Variants in WDR1 observed in about 807,000 individuals in gnomAD.
WDR1 encodes WD repeat-containing protein 1.
In WDR1, 21 loss-of-function variants were observed where a neutral mutation model predicts 71.9. That is an observed-to-expected ratio of 0.29 (90% confidence interval 0.21 to 0.42). WDR1 has a LOEUF of 0.42. Among genes scored for constraint, WDR1 ranks in the 10% least tolerant of loss-of-function variants. The pLI, the probability that WDR1 is intolerant of heterozygous loss-of-function variation, is 1.00. For synonymous variants in WDR1, 424 were observed against 347.4 expected, an observed-to-expected ratio of 1.22 and a Z score of -2.45; for missense variants, 696 against 824.5, an observed-to-expected ratio of 0.84 and a Z score of 1.91.
At chr4:10,094,462 A>G (rs1261847443) in intron 5 of WDR1, among the ~76,000 whole-genome samples, 2 of 152,202 alleles carry the variant, frequency 1.3e-5, no homozygotes, top group African/African-American at 4.8e-5. Context: ...CTATCCCAGG[A>G]GCCTGCCTGG....
chr4:10,083,231 G>A, intron 9 of WDR1, 53 bp from the exon 10 acceptor site: 1 of 1,579,194 alleles, frequency 6.3e-7, no homozygotes, highest in Non-Finnish European at 8.6e-7. Context: ...GGTGTTCTCA[G>A]GTGTGGCTTC....
Position 10,075,000 on chromosome 4 carries a change from C to G in WDR1, c.*378G>C, listed in dbSNP as rs567730155. On this transcript the variant is annotated 3_prime_UTR_variant, in exon 15 of 15. Coordinates refer to ENST00000499869, the MANE Select transcript of WDR1 (RefSeq NM_017491.5). ...TCTGCAGGCAGGAACATGAGCCCCCCGGCTCATTCACCTGTACAACCTCCC... is the reference window on the plus strand; with the variant it reads ...TCTGCAGGCAGGAACATGAGCCCCCGGGCTCATTCACCTGTACAACCTCCC... 12 of 303,966 alleles carry G rather than the reference C, an allele frequency of 3.9e-5. No individual in the cohort carries two copies. The highest frequency in any genetic ancestry group is 9.3e-5 in the Admixed American group (2 of 21,404). The allele number at this position is 303,966 out of a possible 1,614,324, so 18.8% of individuals were successfully genotyped here.
chr4:10,102,889 G>A (rs1213363174), intron 3 of WDR1, among the ~76,000 whole-genome samples: 2 of 151,974 alleles, frequency 1.3e-5, no homozygotes, highest in African/African-American at 4.8e-5. Flanking sequence ...TGGCCTCCCT[G>A]GGCTGCAGAT....
intron 11 of WDR1, 105 bp from the exon 12 acceptor site, chr4:10,079,106 G>T: frequency 1.1e-6 from 1 of 894,138 alleles, no homozygotes; most frequent in Non-Finnish European, 1.7e-6. Context: ...AGCTGGGTTT[G>T]GCTCCATACC....
At chr4:10,077,689 T>A (rs1278752284) in intron 13 of WDR1, 64 bp downstream of exon 13, 8 of 1,484,552 alleles carry the variant, frequency 5.4e-6, no homozygotes, top group African/African-American at 1.4e-5. Context: ...AAGTCACAGA[T>A]AACCTCCCAC....
At chr4:10,112,622 G>A (rs760874172) in intron 2 of WDR1, among the ~76,000 whole-genome samples, 1 of 152,252 alleles carries the variant, frequency 6.6e-6, no homozygotes, top group South Asian at 2.1e-4. Flanking sequence ...GGCTCCAAGT[G>A]CAAAGCTGGC....
At chr4:10,096,162 C>CT (rs1712340510) in intron 5 of WDR1, 2 of 152,284 alleles carry the variant, frequency 1.3e-5, no homozygotes, top group Non-Finnish European at 1.5e-5. Context: ...GCTGAGCACC[C>CT]TGTGCTGGGT....
In WDR1 at chr4:10,075,228, G is replaced by A; in HGVS notation, c.*150C>T. On this transcript the variant is annotated 3_prime_UTR_variant, in exon 15 of 15. Coordinates refer to ENST00000499869, the MANE Select transcript of WDR1 (RefSeq NM_017491.5). ...TCAGAAGAACGTGTACAGACACCCT[G>A]CAGAGACGAGGGTCATGACTGGGCC... The A allele has an allele frequency of 1.5e-6, 1 of 651,692 alleles. No homozygotes were observed. Among genetic ancestry groups the A allele is most frequent in the South Asian group, 1.8e-5 (1 of 55,854 alleles). 40.4% of individuals were successfully genotyped at this position (651,692 alleles called of 1,614,324 possible).
chr4:10,076,516 C>T (rs975253671), intron 14 of WDR1: 1 of 152,250 alleles, frequency 6.6e-6, no homozygotes, highest in Non-Finnish European at 1.5e-5. Flanking sequence ...GTTTGATTCT[C>T]ACTACCAGAC....
intron 5 of WDR1, chr4:10,091,667 C>T (rs1013915477): frequency 1.3e-5 from 2 of 152,390 alleles, no homozygotes; most frequent in African/African-American, 4.8e-5. Flanking sequence ...TCCGCAGGCC[C>T]ATTTGCATCC....
In WDR1 at chr4:10,088,345, TC is replaced by T; in HGVS notation, c.664del (p.Glu222ArgfsTer44). ...GCTTCCGCCCAGCGCGCACACCTTC[TC>T]CCCAGTCTTCCCGTCATAGATGTAT... Reference protein sequence around the residue: ...QIYIYDGKTGEKVCALGGSKA... With the variant: ...QIYIYDGKTGXKVCALGGSKA... On this transcript the variant is annotated frameshift_variant, in exon 7 of 15. Coordinates refer to ENST00000499869, the MANE Select transcript of WDR1 (RefSeq NM_017491.5). LOFTEE classifies it high-confidence loss of function. 1.3e-6 allele frequency: 2 copies of T among 1,558,822 alleles called. No individual in the cohort carries two copies. Among genetic ancestry groups the T allele is most frequent in the Non-Finnish European group, 1.7e-6 (2 of 1,150,844 alleles).
At chr4:10,081,122 G>A (rs1359777277) in intron 11 of WDR1, among the ~76,000 whole-genome samples, 2 of 152,172 alleles carry the variant, frequency 1.3e-5, no homozygotes, top group Non-Finnish European at 1.5e-5. Flanking sequence ...TCTGCCCTCC[G>A]ACCAGCTGCG....
intron 2 of WDR1, chr4:10,115,798 C>G (rs1024466557): frequency 7.9e-6 from 2 of 252,030 alleles, no homozygotes; most frequent in African/African-American, 2.3e-5. Flanking sequence ...AATCTAATCT[C>G]CCATCCACGT....
rs893069330 is a variant in WDR1 at position 10,097,717 on chromosome 4, T to C, written c.552A>G (p.Thr184=). The C allele has an allele frequency of 2.5e-5, 41 of 1,608,676 alleles. No homozygotes were observed. Among genetic ancestry groups the C allele is most frequent in the Non-Finnish European group, 3.4e-5 (40 of 1,176,102 alleles). ...FEGPPFKFKF[T]IGDHSRFVNC... is the part of the protein sequence containing the mutation. ...AAAAAGTAAGTTCACTTACGCCAAT[T>C]GTGAACTTGAACTTGAATGGGGGTC... Residue 184 remains threonine, a synonymous_variant, in exon 5 of 15, where the codon ACA becomes ACG. Transcript: ENST00000499869.
rs1324601765 is a variant in WDR1, at chr4:10,087,827, C to T, written c.831G>A (p.Thr277=). The T allele has an allele frequency of 6.3e-6, 10 of 1,584,358 alleles. No homozygotes were observed. The highest frequency in any genetic ancestry group is 1.3e-5 in the African/African-American group (1 of 74,428). Reference sequence around the variant, plus strand: ...GGCAGCCCAGCTGCTGGTCCAGAACCGTGGAGCCCATGGGAAATGTGCTGA... The same window carrying T: ...GGCAGCCCAGCTGCTGGTCCAGAACTGTGGAGCCCATGGGAAATGTGCTGA... The part of the protein sequence containing the change: ...SVVSTFPMGS[T]VLDQQLGCLW... Residue 277 remains threonine, a synonymous_variant, in exon 8 of 15, where the codon ACG becomes ACA. Coordinates refer to ENST00000499869, the MANE Select transcript of WDR1 (RefSeq NM_017491.5).
intron 14 of WDR1, 79 bp downstream of exon 14, chr4:10,077,225 C>G: frequency 6.3e-7 from 1 of 1,575,156 alleles, no homozygotes; most frequent in East Asian, 2.3e-5. Flanking sequence ...GGGACTGAAG[C>G]CAGGGGACAG....
rs1354429780 is a variant in WDR1 at position 10,075,475 on chromosome 4, C to G, written c.1724G>C (p.Arg575Pro). ...GGCCAGGCTGCTGACATGGTGCAGC[C>G]GGTGTGCATCTGGGAAGAAAGGGTG... ...ETRVKIQDAH[R>P]LHHVSSLAWL... Residue 575 changes from arginine to proline, a missense_variant, in exon 15 of 15, where the codon CGG becomes CCG. Transcript: ENST00000499869. The G allele has an allele frequency of 6.2e-7, 1 of 1,613,024 alleles. No homozygotes were observed. The highest frequency in any genetic ancestry group is 2.2e-5 in the East Asian group (1 of 44,842).
chr4:10,099,159 G>T lies in WDR1; in HGVS notation c.230-20C>A. On this transcript the variant is annotated intron_variant, in intron 3 of 14. Transcript: ENST00000499869. ...ACACATCTGTGGGGCACAGCGGGCG[G>T]GGGAGGGGGGGAGGCGGTGGTGGGG... is the stretch of plus-strand genomic sequence containing the variant. 1 of 1,422,492 alleles carries T rather than the reference G, an allele frequency of 7.0e-7. No homozygotes were observed. 88.1% of individuals were successfully genotyped at this position (1,422,492 alleles called of 1,614,324 possible). A position where few individuals can be genotyped will look rare whatever the true frequency, so the allele number is the denominator to read the frequency against.
rs187940725 is a variant in WDR1, at chr4:10,101,182, G to T, written c.230-2043C>A. ...GAAAAGGAGGCCTGGGCCTGCCCCC[G>T]AAATGACCTGTGCACTGAGGACTGC... On this transcript the variant is annotated intron_variant, in intron 3 of 14. Transcript: ENST00000499869. Among the ~76,000 whole-genome samples, 13 of 152,286 alleles carry T rather than the reference G, an allele frequency of 8.5e-5. No homozygotes were observed. The East Asian group carries it at 2.3e-3, about 27-fold the overall frequency.
Sources: gnomAD v4.1 joint callset for allele counts (sites outside exome capture counted in the v4.1 genomes callset) on GRCh38, gnomAD v4.1.1 for gene constraint, MANE v1.5 for transcripts, NCBI Gene and HGNC (gene_info 2026-07-23, HGNC 2026-07-21) for gene names.